The following ADAMTS8 variants were observed in gnomAD, a reference collection of about 807,000 sequenced individuals.
The protein encoded by ADAMTS8 is A disintegrin and metalloproteinase with thrombospondin motifs 8.
A neutral mutation model predicts 64.4 loss-of-function variants in ADAMTS8; 50 were observed. That is an observed-to-expected ratio of 0.78 (90% CI 0.62 to 0.98). The LOEUF is 0.98. Ranked by LOEUF, ADAMTS8 falls within the 50% of genes least tolerant of loss-of-function variation. The pLI is 0.00. For missense variants in ADAMTS8, 1,192 were observed against 1,208.2 expected, an observed-to-expected ratio of 0.99 and a Z score of 0.20; for synonymous variants, 556 against 533.6, an observed-to-expected ratio of 1.04 and a Z score of -0.58.
rs1182517055 is a variant in ADAMTS8 at position 130,411,092 on chromosome 11, T to C, written c.1750+325A>G. 6.6e-6 allele frequency among the ~76,000 whole-genome samples: 1 copy of C among 152,112 alleles called. No homozygotes were observed. Among genetic ancestry groups the C allele is most frequent in the Non-Finnish European group, 1.5e-5 (1 of 67,996 alleles). On this transcript the variant is annotated intron_variant, in intron 6 of 8. Coordinates refer to ENST00000257359, the MANE Select transcript of ADAMTS8 (RefSeq NM_007037.6). The surrounding 1 kb of genome is among the most constrained non-coding windows in gnomAD (Gnocchi z 4.2). Reference sequence around the variant, plus strand: ...CCCCTCTGCAGAGGCTCCTCCCCAATAAGTTTGGTTGGGAGTGATGTCCTC... The same window carrying C: ...CCCCTCTGCAGAGGCTCCTCCCCAACAAGTTTGGTTGGGAGTGATGTCCTC...
Position 130,428,329 on chromosome 11 carries a change from C to A in ADAMTS8, c.-43G>T, listed in dbSNP as rs922731804. ...CTGCGCGCAGGAGAGGGAAGAAGCC[C>A]GCCAGGCGCGGGCAGGTGCTGGCGG... On this transcript the variant is annotated 5_prime_UTR_variant, in exon 1 of 9. Coordinates refer to ENST00000257359, the MANE Select transcript of ADAMTS8 (RefSeq NM_007037.6). 3 of 1,260,474 alleles carry A rather than the reference C, an allele frequency of 2.4e-6. No homozygotes were observed. The highest frequency in any genetic ancestry group is 1.6e-5 in the African/African-American group (1 of 63,116). The allele number at this position is 1,260,474 out of a possible 1,614,324, so 78.1% of individuals were successfully genotyped here.
At position 130,406,105 on chromosome 11, in the gene ADAMTS8, G is replaced by A; in HGVS notation, c.2123C>T (p.Thr708Ile). 1.2e-6 allele frequency: 2 copies of A among 1,610,474 alleles called. No individual in the cohort carries two copies. Among genetic ancestry groups the A allele is most frequent in the Non-Finnish European group, 1.7e-6 (2 of 1,179,592 alleles). ...AATATTAGTGGCACCAGCTGGGATG[G>A]TGACAATGTCATTGTAGCCATAACT... The part of the protein sequence containing the change: ...PTNYGYNDIV[T>I]IPAGATNIDV... Residue 708 changes from threonine to isoleucine, a missense_variant, in exon 9 of 9, where the codon ACC (threonine) becomes ATC (isoleucine). By Grantham distance (89) the Thr-to-Ile change is moderately conservative. This residue lies in a region of ADAMTS8 where 290 missense variants were observed against 297.8 expected (regional missense o/e 0.97). Transcript: ENST00000257359.
At position 130,405,398 on chromosome 11, in the gene ADAMTS8, A is replaced by G. The variant is rs1468497875; in HGVS notation, c.*160T>C. On this transcript the variant is annotated 3_prime_UTR_variant, in exon 9 of 9. Transcript: ENST00000257359. ...CCCATACCCTCTCCTCTTCCCCCTT[A>G]GGAATTTGTGCAGTACTGGAGGGGT... 7.0e-7 allele frequency: 1 copy of G among 1,436,184 alleles called. No individual in the cohort carries two copies. Among genetic ancestry groups the G allele is most frequent in the African/African-American group, 1.4e-5 (1 of 70,076 alleles). 89.0% of individuals were successfully genotyped at this position (1,436,184 alleles called of 1,614,324 possible).
At chr11:130,414,380 G>T in intron 5 of ADAMTS8, 151 bp downstream of exon 5, 3 of 941,808 alleles carry the variant, frequency 3.2e-6, no homozygotes, top group Non-Finnish European at 4.6e-6. Context: ...TTCCCAAAGT[G>T]CTGGGATTCC....
chr11:130,427,507 C>A (rs1279543552), intron 1 of ADAMTS8, 60 bp downstream of exon 1: 18 of 1,226,744 alleles, frequency 1.5e-5, no homozygotes, highest in Non-Finnish European at 1.9e-5. Context: ...ATTTTAGAGA[C>A]GCTGGGAGGC....
In ADAMTS8 at chr11:130,411,477, A is replaced by G; in HGVS notation, c.1690T>C (p.Tyr564His). 1 of 1,614,114 alleles carries G rather than the reference A, an allele frequency of 6.2e-7. No individual in the cohort carries two copies. The highest frequency in any genetic ancestry group is 8.5e-7 in the Non-Finnish European group (1 of 1,180,006). The change falls in exon 6 of 9, where the codon TAC becomes CAC. Residue 564 changes from tyrosine to histidine, a missense_variant. Tyr to His is a moderately conservative substitution (Grantham distance 83). Around this residue, in one of 5 missense-constraint regions of ADAMTS8, gnomAD observed 290 missense variants for 297.8 expected, o/e 0.97. Transcript: ENST00000257359. This position sits in a 1 kb window ranked among gnomAD's most constrained non-coding sequence, Gnocchi z 4.2. The stretch of plus-strand genomic sequence containing the variant: ...TACTTGGCTCTCCGACCCAGGCAGT[A>G]TCTTCCTCCATTCTGAGGCTCGGGG... Reference protein sequence around the residue: ...KDPEPQNGGRYCLGRRAKYQS... With the variant: ...KDPEPQNGGRHCLGRRAKYQS...
chr11:130,408,802 C>G lies in ADAMTS8; in HGVS notation c.1889G>C (p.Arg630Pro), dbSNP rs201672773. 3 of 1,614,148 alleles carry G rather than the reference C, an allele frequency of 1.9e-6. No individual in the cohort carries two copies. The highest frequency in any genetic ancestry group is 2.5e-6 in the Non-Finnish European group (3 of 1,180,016). ...GAACACTTTGAACTCGCTCCTCCCC[C>G]GGGCTCGGCAGAACAACTTGCAGCG... ...RDRCKLFCRA[R>P]GRSEFKVFEA... Residue 630 changes from arginine (R) to proline (P), a missense_variant, in exon 7 of 9, where the codon CGG (arginine) becomes CCG (proline). Arg to Pro is a moderately radical substitution (Grantham distance 103). Transcript: ENST00000257359.
intron 6 of ADAMTS8, among the ~76,000 whole-genome samples, chr11:130,410,309 C>T (rs530333453): frequency 6.6e-6 from 1 of 152,172 alleles, no homozygotes; most frequent in African/African-American, 2.4e-5. Flanking sequence ...TTTACATTTT[C>T]ATACATTTTT....
Position 130,411,484 on chromosome 11 carries a change from T to A in ADAMTS8, c.1683A>T (p.Gly561=), listed in dbSNP as rs751123490. The change falls in exon 6 of 9, where the codon GGA becomes GGT. Residue 561 remains glycine, a synonymous_variant. Coordinates refer to ENST00000257359, the MANE Select transcript of ADAMTS8 (RefSeq NM_007037.6). This position sits in a 1 kb window ranked among gnomAD's most constrained non-coding sequence, Gnocchi z 4.2. ...RECKDPEPQN[G]GRYCLGRRAK... ...CTCTCCGACCCAGGCAGTATCTTCCTCCATTCTGAGGCTCGGGGTCCTTGC... is the reference window on the plus strand; with the variant it reads ...CTCTCCGACCCAGGCAGTATCTTCCACCATTCTGAGGCTCGGGGTCCTTGC... The A allele has an allele frequency of 1.4e-5, 22 of 1,614,160 alleles. No individual in the cohort carries two copies. Among genetic ancestry groups the A allele is most frequent in the Non-Finnish European group, 1.8e-5 (21 of 1,180,028 alleles).
chr11:130,415,941 C>G (rs1055029401), intron 4 of ADAMTS8, among the ~76,000 whole-genome samples: 4 of 152,196 alleles, frequency 2.6e-5, no homozygotes, highest in African/African-American at 9.7e-5. Flanking sequence ...GATGACTTCC[C>G]CCTGCCTTGT....
In ADAMTS8 at chr11:130,428,307, C is replaced by T; in HGVS notation, c.-21G>A. 1 of 1,242,124 alleles carries T rather than the reference C, an allele frequency of 8.1e-7. No homozygotes were observed. The highest frequency in any genetic ancestry group is 2.1e-5 in the South Asian group (1 of 46,746). The allele number at this position is 1,242,124 out of a possible 1,614,324, so 76.9% of individuals were successfully genotyped here. A position where few individuals can be genotyped will look rare whatever the true frequency, so the allele number is the denominator to read the frequency against. On this transcript the variant is annotated 5_prime_UTR_variant, in exon 1 of 9. Coordinates refer to ENST00000257359, the MANE Select transcript of ADAMTS8 (RefSeq NM_007037.6). ...AGCATGGGGGCTGCGGCGGTGGCTG[C>T]GCGCAGGAGAGGGAAGAAGCCCGCC...
chr11:130,423,494 G>C (rs1862125972), intron 1 of ADAMTS8, among the ~76,000 whole-genome samples: 1 of 152,170 alleles, frequency 6.6e-6, no homozygotes, highest in Non-Finnish European at 1.5e-5. Flanking sequence ...GCAGAAACTG[G>C]GATGCTGCTG....
intron 5 of ADAMTS8, among the ~76,000 whole-genome samples, chr11:130,414,122 CTTTTTTT>C (rs143297278): frequency 2.3e-5 from 3 of 129,782 alleles, no homozygotes; most frequent in African/African-American, 5.8e-5. Context: ...AGTTTCTTTT[CTTTTTTT>C]TTTTTTTTTT....
chr11:130,406,553 T>C (rs1357183944), intron 8 of ADAMTS8, among the ~76,000 whole-genome samples: 1 of 152,054 alleles, frequency 6.6e-6, no homozygotes, highest in Non-Finnish European at 1.5e-5. Context: ...CAAACCCACA[T>C]GGAAAAAACT....
chr11:130,425,218 A>G (rs989496722), intron 1 of ADAMTS8, among the ~76,000 whole-genome samples: 1 of 152,120 alleles, frequency 6.6e-6, no homozygotes, highest in Non-Finnish European at 1.5e-5. Context: ...GCAGACCTGA[A>G]CTTTAAGCTG....
chr11:130,417,155 C>G, intron 2 of ADAMTS8, 80 bp from the exon 3 acceptor site: 1 of 1,584,574 alleles, frequency 6.3e-7, no homozygotes, highest in Non-Finnish European at 8.6e-7. Context: ...CGGGTGTGGC[C>G]AGCGTGCACG....
Position 130,405,606 on chromosome 11 carries a change from CA to C in ADAMTS8, c.2621del (p.Leu874ArgfsTer102). ...GQASATCNKA[L>X]KPEDAKPCES... is the part of the protein sequence containing the mutation. ...CGCAGGGCTTGGCATCCTCGGGTTT[CA>C]GAGCCTTGTTGCAGGTGGCAGAGGC... is the stretch of plus-strand genomic sequence containing the variant. On this transcript the variant is annotated frameshift_variant, in exon 9 of 9. Coordinates refer to ENST00000257359, the MANE Select transcript of ADAMTS8 (RefSeq NM_007037.6). LOFTEE classifies it high-confidence loss of function. 3.7e-6 allele frequency: 6 copies of C among 1,611,908 alleles called. No individual in the cohort carries two copies. The South Asian group carries it at 6.6e-5, about 18-fold the overall frequency.
intron 1 of ADAMTS8, among the ~76,000 whole-genome samples, chr11:130,425,565 C>T (rs966757246): frequency 2.0e-5 from 3 of 151,582 alleles, no homozygotes; most frequent in Admixed American, 6.6e-5. Flanking sequence ...GCAATGGGTG[C>T]ATCTTAGCTT....
At chr11:130,425,089 C>T (rs998966165) in intron 1 of ADAMTS8, among the ~76,000 whole-genome samples, 4 of 152,164 alleles carry the variant, frequency 2.6e-5, no homozygotes, top group Non-Finnish European at 4.4e-5. Context: ...TCCAGAAATG[C>T]GTGTTTGTGG....
Sources: gnomAD v4.1 joint callset for allele counts (sites outside exome capture counted in the v4.1 genomes callset) on GRCh38, gnomAD v4.1.1 for gene constraint, gnomAD v4.1.1 regional missense constraint, Gnocchi (gnomAD v3.1) non-coding constraint, MANE v1.5 for transcripts, NCBI Gene and HGNC (gene_info 2026-07-23, HGNC 2026-07-21) for gene names.